Variants in FZD8 observed in about 807,000 individuals in gnomAD.
FZD8 encodes the protein frizzled-8.
A neutral mutation model predicts 46.0 loss-of-function variants in FZD8; 18 were observed. That is an observed-to-expected ratio of 0.39 (90% CI 0.27 to 0.58). The LOEUF (loss-of-function observed/expected upper bound fraction) is 0.58, where lower values mean the gene tolerates loss of function less well. Among genes scored for constraint, FZD8 ranks in the 20% least tolerant of loss-of-function variants. FZD8 has a pLI of 0.55. For synonymous variants in FZD8, 586 were observed against 467.9 expected (o/e 1.25, Z -3.26); for missense variants, 785 against 983.4 (o/e 0.80, Z 2.70).
At position 35,638,589 on chromosome 10, in the gene FZD8, G is replaced by A. The variant is rs370131475; in HGVS notation, c.*756C>T. 4 of 152,534 alleles carry A rather than the reference G, an allele frequency of 2.6e-5. No individual in the cohort carries two copies. The highest frequency in any genetic ancestry group is 9.6e-5 in the African/African-American group (4 of 41,466). 9.4% of individuals were successfully genotyped at this position (152,534 alleles called of 1,614,324 possible). ...ACTTTAAAGGTGACAGCTCAGAAGA[G>A]GCGGGGGAGAGGGCAATGGTTAAAT... On this transcript the variant is annotated 3_prime_UTR_variant, in exon 1 of 1. Transcript: ENST00000374694.
In FZD8 at chr10:35,640,784, C is replaced by G; in HGVS notation, c.646G>C (p.Gly216Arg). Residue 216 changes from glycine to arginine, a missense_variant, in exon 1 of 1, where the codon GGG becomes CGG. Gly to Arg is a moderately radical substitution (Grantham distance 125). This residue lies in a region of FZD8 where 354 missense variants were observed against 433.2 expected (regional missense o/e 0.82). Coordinates refer to ENST00000374694, the MANE Select transcript of FZD8 (RefSeq NM_031866.3). ...APPARGGGGG[G>R]KARPPGGGAA... is the part of the protein sequence containing the mutation. ...CCGCCGCCAGGGGGCCGCGCCTTCCCGCCACCGCCGCCGCCGCGAGCTGGG... is the reference window on the plus strand; with the variant it reads ...CCGCCGCCAGGGGGCCGCGCCTTCCGGCCACCGCCGCCGCCGCGAGCTGGG... The G allele has an allele frequency of 1.8e-6, 2 of 1,129,912 alleles. No individual in the cohort carries two copies. Among genetic ancestry groups the G allele is most frequent in the Non-Finnish European group, 2.2e-6 (2 of 922,790 alleles). 70.0% of individuals were successfully genotyped at this position (1,129,912 alleles called of 1,614,324 possible). A position where few individuals can be genotyped will look rare whatever the true frequency, so the allele number is the denominator to read the frequency against.
rs1564477161 is a variant in FZD8 at position 35,639,657 on chromosome 10, G to T, written c.1773C>A (p.Phe591Leu). 1.9e-6 allele frequency: 3 copies of T among 1,598,954 alleles called. No individual in the cohort carries two copies. Among genetic ancestry groups the T allele is most frequent in the Admixed American group, 1.7e-5 (1 of 60,010 alleles). Residue 591 changes from phenylalanine (F) to leucine (L), a missense_variant, in exon 1 of 1, where the codon TTC becomes TTA. By Grantham distance (22) the Phe-to-Leu change is conservative (BLOSUM62 0). Around this residue, in one of 5 missense-constraint regions of FZD8, gnomAD observed 185 missense variants for 180.8 expected, o/e 1.02. Coordinates refer to ENST00000374694, the MANE Select transcript of FZD8 (RefSeq NM_031866.3). ...AGGTGATGCCCACCACTAGGCACAT[G>T]AAGTACTTGAGCATGAAGACGGCGT... is the stretch of plus-strand genomic sequence containing the variant. ...PDYAVFMLKY[F>L]MCLVVGITSG... is the part of the protein sequence containing the mutation.
Position 35,639,585 on chromosome 10 carries a change from G to C in FZD8, c.1845C>G (p.Ser615=). 2 of 1,593,626 alleles carry C rather than the reference G, an allele frequency of 1.3e-6. No individual in the cohort carries two copies. The highest frequency in any genetic ancestry group is 1.7e-6 in the Non-Finnish European group (2 of 1,177,456). The part of the protein sequence containing the change: ...WSGKTLESWR[S]LCTRCCWASK... ...TGGCCCAGCAGCAGCGGGTGCACAG[G>C]GAGCGCCAGGACTCCAGCGTCTTGC... The change falls in exon 1 of 1, where the codon TCC becomes TCG. Residue 615 remains serine (S), a synonymous_variant. Coordinates refer to ENST00000374694, the MANE Select transcript of FZD8 (RefSeq NM_031866.3).
In FZD8 at chr10:35,641,021, G is replaced by T. The variant is rs1304379109; in HGVS notation, c.409C>A (p.Arg137=). 3 of 1,606,984 alleles carry T rather than the reference G, an allele frequency of 1.9e-6. No homozygotes were observed. Among genetic ancestry groups the T allele is most frequent in the Admixed American group, 1.7e-5 (1 of 59,444 alleles). ...FAWPDRMRCD[R]LPEQGNPDTL... ...TCAGGGTTGCCTTGCTCGGGCAGCC[G>T]GTCGCAGCGCATGCGGTCGGGCCAG... Residue 137 remains arginine (R), a synonymous_variant, in exon 1 of 1, where the codon CGG becomes AGG. Transcript: ENST00000374694. This position sits in a 1 kb window ranked among gnomAD's most constrained non-coding sequence, Gnocchi z 6.3.
Position 35,638,346 on chromosome 10 carries a change from G to A in FZD8, c.*999C>T, listed in dbSNP as rs1396708222. On this transcript the variant is annotated 3_prime_UTR_variant, in exon 1 of 1. Coordinates refer to ENST00000374694, the MANE Select transcript of FZD8 (RefSeq NM_031866.3). ...AAGTTCCATTTACATCCACTAAAGT[G>A]AGAGTTGTTATCCATGGATCAGAAA... The A allele has an allele frequency of 1.3e-5, 2 of 152,494 alleles. No individual in the cohort carries two copies. The highest frequency in any genetic ancestry group is 1.9e-4 in the East Asian group (1 of 5,340). The allele number at this position is 152,494 out of a possible 1,614,324, so 9.4% of individuals were successfully genotyped here.
chr10:35,641,575 A>T lies in FZD8; in HGVS notation c.-146T>A. The stretch of plus-strand genomic sequence containing the variant: ...TCGCCCGGGAGGGGGGTCTGCCGAT[A>T]ATCTAACCCCTTCTAGGGGCGCGTC... On this transcript the variant is annotated 5_prime_UTR_variant, in exon 1 of 1. Transcript: ENST00000374694. This position sits in a 1 kb window ranked among gnomAD's most constrained non-coding sequence, Gnocchi z 6.3. 1 of 1,089,378 alleles carries T rather than the reference A, an allele frequency of 9.2e-7. No individual in the cohort carries two copies. Among genetic ancestry groups the T allele is most frequent in the South Asian group, 1.7e-5 (1 of 60,322 alleles). The allele number at this position is 1,089,378 out of a possible 1,614,324, so 67.5% of individuals were successfully genotyped here.
Position 35,641,567 on chromosome 10 carries a change from CT to C in FZD8, c.-139del. 1.7e-6 allele frequency: 2 copies of C among 1,181,126 alleles called. No individual in the cohort carries two copies. Among genetic ancestry groups the C allele is most frequent in the Non-Finnish European group, 2.3e-6 (2 of 868,324 alleles). 73.2% of individuals were successfully genotyped at this position (1,181,126 alleles called of 1,614,324 possible). On this transcript the variant is annotated 5_prime_UTR_variant, in exon 1 of 1. Coordinates refer to ENST00000374694, the MANE Select transcript of FZD8 (RefSeq NM_031866.3). The surrounding 1 kb of genome is among the most constrained non-coding windows in gnomAD (Gnocchi z 6.3). ...CTTATGCTTCGCCCGGGAGGGGGGT[CT>C]GCCGATAATCTAACCCCTTCTAGGG...
chr10:35,641,657 C>G lies in FZD8; in HGVS notation c.-228G>C. 1 of 542,906 alleles carries G rather than the reference C, an allele frequency of 1.8e-6. No individual in the cohort carries two copies. Among genetic ancestry groups the G allele is most frequent in the Non-Finnish European group, 3.2e-6 (1 of 315,088 alleles). 33.6% of individuals were successfully genotyped at this position (542,906 alleles called of 1,614,324 possible). A position where few individuals can be genotyped will look rare whatever the true frequency, so the allele number is the denominator to read the frequency against. ...CCCTTCCGCACTCCTTTCCGCCGCT[C>G]CGGGGGTTTGAAGGCGGCTGCAGGC... On this transcript the variant is annotated 5_prime_UTR_variant, in exon 1 of 1. Transcript: ENST00000374694. This position sits in a 1 kb window ranked among gnomAD's most constrained non-coding sequence, Gnocchi z 6.3.
At position 35,639,513 on chromosome 10, in the gene FZD8, C is replaced by T. The variant is rs1835817569; in HGVS notation, c.1917G>A (p.Gly639=). ...VGGGAGATAA[G]GGGGPGGGGG... is the part of the protein sequence containing the mutation. Reference sequence around the variant, plus strand: ...CGCCGCCCCCCGGCCCGCCGCCACCCCCCGCGGCCGTGGCGCCCGCGCCCC... The same window carrying T: ...CGCCGCCCCCCGGCCCGCCGCCACCTCCCGCGGCCGTGGCGCCCGCGCCCC... Residue 639 remains glycine (G), a synonymous_variant, in exon 1 of 1, where the codon GGG becomes GGA. Coordinates refer to ENST00000374694, the MANE Select transcript of FZD8 (RefSeq NM_031866.3). 1.8e-6 allele frequency: 2 copies of T among 1,096,076 alleles called. No individual in the cohort carries two copies. The highest frequency in any genetic ancestry group is 1.1e-6 in the Non-Finnish European group (1 of 899,258). The allele number at this position is 1,096,076 out of a possible 1,614,324, so 67.9% of individuals were successfully genotyped here. A position where few individuals can be genotyped will look rare whatever the true frequency, so the allele number is the denominator to read the frequency against.
At position 35,639,535 on chromosome 10, in the gene FZD8, C is replaced by T. The variant is rs1835818448; in HGVS notation, c.1895G>A (p.Gly632Asp). The T allele has an allele frequency of 7.5e-7, 1 of 1,324,650 alleles. No homozygotes were observed. Among genetic ancestry groups the T allele is most frequent in the Non-Finnish European group, 9.7e-7 (1 of 1,030,788 alleles). 82.1% of individuals were successfully genotyped at this position (1,324,650 alleles called of 1,614,324 possible). A position where few individuals can be genotyped will look rare whatever the true frequency, so the allele number is the denominator to read the frequency against. The part of the protein sequence containing the change: ...WASKGAAVGG[G>D]AGATAAGGGG... ...ACCCCCCGCGGCCGTGGCGCCCGCG[C>T]CCCCGCCCACCGCGGCGCCCTTGCT... The change falls in exon 1 of 1, where the codon GGC becomes GAC. Residue 632 changes from glycine to aspartate, a missense_variant. Coordinates refer to ENST00000374694, the MANE Select transcript of FZD8 (RefSeq NM_031866.3).
chr10:35,640,142 C>T lies in FZD8; in HGVS notation c.1288G>A (p.Gly430Ser). 1 of 1,613,342 alleles carries T rather than the reference C, an allele frequency of 6.2e-7. No homozygotes were observed. Among genetic ancestry groups the T allele is most frequent in the Non-Finnish European group, 8.5e-7 (1 of 1,179,896 alleles). Reference sequence around the variant, plus strand: ...GAGTAGCCGGCGATGGCTTCGTTGCCCCACTTCATACCGGCCGCCAGGAAC... The same window carrying T: ...GAGTAGCCGGCGATGGCTTCGTTGCTCCACTTCATACCGGCCGCCAGGAAC... ...TWFLAAGMKW[G>S]NEAIAGYSQY... Residue 430 changes from glycine to serine, a missense_variant, in exon 1 of 1, where the codon GGC becomes AGC. Transcript: ENST00000374694.
In FZD8 at chr10:35,640,584, G is replaced by A. The variant is rs1344772587; in HGVS notation, c.846C>T (p.Gly282=). ...DERAFTVFWI[G]LWSVLCFVST... is the part of the protein sequence containing the mutation. ...ACACGAAGCAGAGCACCGACCACAG[G>A]CCGATCCAGAAGACGGTGAAGGCGC... The change falls in exon 1 of 1, where the codon GGC becomes GGT. Residue 282 remains glycine, a synonymous_variant. Coordinates refer to ENST00000374694, the MANE Select transcript of FZD8 (RefSeq NM_031866.3). 3 of 1,587,992 alleles carry A rather than the reference G, an allele frequency of 1.9e-6. No homozygotes were observed. The African/African-American group carries it at 4.1e-5, about 21-fold the overall frequency.
chr10:35,640,654 T>G lies in FZD8; in HGVS notation c.776A>C (p.Asn259Thr). 6.3e-7 allele frequency: 1 copy of G among 1,581,058 alleles called. No homozygotes were observed. The highest frequency in any genetic ancestry group is 1.1e-5 in the South Asian group (1 of 88,086). ...GGGGTTGTGGCAGGGCAGCGCGCAG[T>G]TAGCGATCTGGCCTGTCTTGACGCG... ...YNRVKTGQIA[N>T]CALPCHNPFF... The change falls in exon 1 of 1, where the codon AAC (asparagine) becomes ACC (threonine). Residue 259 changes from asparagine to threonine, a missense_variant. Coordinates refer to ENST00000374694, the MANE Select transcript of FZD8 (RefSeq NM_031866.3).
chr10:35,640,023 G>T lies in FZD8; in HGVS notation c.1407C>A (p.Gly469=). 6.2e-7 allele frequency: 1 copy of T among 1,611,192 alleles called. No homozygotes were observed. Residue 469 remains glycine (G), a synonymous_variant, in exon 1 of 1, where the codon GGC becomes GGA. Transcript: ENST00000374694. ...GGCTCTGGTTGCCCACGTAGCAGAT[G>T]CCCGCCACCGGGTCGCCGTCCACCG... ...LSSVDGDPVA[G]ICYVGNQSLD...
rs1835859514 is a variant in FZD8 at position 35,641,419 on chromosome 10, C to T, written c.11G>A (p.Gly4Asp). 6.2e-7 allele frequency: 1 copy of T among 1,608,282 alleles called. No individual in the cohort carries two copies. Among genetic ancestry groups the T allele is most frequent in the Non-Finnish European group, 8.5e-7 (1 of 1,178,746 alleles). The stretch of plus-strand genomic sequence containing the variant: ...CAGCGAGGTCACTTCCAACAGGTAA[C>T]CCCACTCCATGCTGTGCGCCTCGGC... MEW[G>D]YLLEVTSLLA... Residue 4 changes from glycine (G) to aspartate (D), a missense_variant, in exon 1 of 1, where the codon GGT becomes GAT. This residue lies in a region of FZD8 where 354 missense variants were observed against 433.2 expected (regional missense o/e 0.82). Transcript: ENST00000374694. This position sits in a 1 kb window ranked among gnomAD's most constrained non-coding sequence, Gnocchi z 6.3.
Position 35,638,977 on chromosome 10 carries a change from A to T in FZD8, c.*368T>A, listed in dbSNP as rs1183204085. The T allele has an allele frequency of 2.0e-5, 3 of 152,872 alleles. No homozygotes were observed. The highest frequency in any genetic ancestry group is 4.4e-5 in the Non-Finnish European group (3 of 68,234). The allele number at this position is 152,872 out of a possible 1,614,324, so 9.5% of individuals were successfully genotyped here. A position where few individuals can be genotyped will look rare whatever the true frequency, so the allele number is the denominator to read the frequency against. ...TCGAGGGAGAAAAAGAGGTTCTCCC[A>T]GGTGAAATCTGTGTATCTGACTGCA... is the stretch of plus-strand genomic sequence containing the variant. On this transcript the variant is annotated 3_prime_UTR_variant, in exon 1 of 1. Coordinates refer to ENST00000374694, the MANE Select transcript of FZD8 (RefSeq NM_031866.3).
At position 35,640,367 on chromosome 10, in the gene FZD8, C is replaced by T. The variant is rs1753139359; in HGVS notation, c.1063G>A (p.Gly355Ser). Residue 355 changes from glycine (G) to serine (S), a missense_variant, in exon 1 of 1, where the codon GGC becomes AGC. Gly to Ser is a moderately conservative substitution (Grantham distance 56). Transcript: ENST00000374694. Reference protein sequence around the residue: ...PGAGGAGGAGGAAAGAGAAGA... With the variant: ...PGAGGAGGAGSAAAGAGAAGA... ...GCCGCGCCCGCGCCCGCCGCCGCGC[C>T]GCCCGCGCCCCCAGCGCCCCCCGCG... 7.2e-6 allele frequency: 7 copies of T among 973,718 alleles called. No individual in the cohort carries two copies. Among genetic ancestry groups the T allele is most frequent in the Non-Finnish European group, 8.5e-6 (7 of 820,004 alleles). The allele number at this position is 973,718 out of a possible 1,614,324, so 60.3% of individuals were successfully genotyped here. A position where few individuals can be genotyped will look rare whatever the true frequency, so the allele number is the denominator to read the frequency against.
rs201736370 is a variant in FZD8 at position 35,639,959 on chromosome 10, T to G, written c.1471A>C (p.Ile491Leu). The change falls in exon 1 of 1, where the codon ATC becomes CTC. Residue 491 changes from isoleucine (I) to leucine (L), a missense_variant. Physicochemically the swap from Ile to Leu is conservative, Grantham distance 5. Around this residue, in one of 5 missense-constraint regions of FZD8, gnomAD observed 147 missense variants for 242.5 expected, o/e 0.61. Coordinates refer to ENST00000374694, the MANE Select transcript of FZD8 (RefSeq NM_031866.3). ...LRGFVLAPLV[I>L]YLFIGTMFLL... Reference sequence around the variant, plus strand: ...AACATGGTGCCGATGAAGAGGTAGATGACCAGCGGCGCCAGCACGAAGCCG... The same window carrying G: ...AACATGGTGCCGATGAAGAGGTAGAGGACCAGCGGCGCCAGCACGAAGCCG... 1 of 1,612,830 alleles carries G rather than the reference T, an allele frequency of 6.2e-7. No individual in the cohort carries two copies. The highest frequency in any genetic ancestry group is 8.5e-7 in the Non-Finnish European group (1 of 1,179,850).
In FZD8 at chr10:35,641,342, C is replaced by T. The variant is rs777637119; in HGVS notation, c.88G>A (p.Ala30Thr). ...ATCTCTTGGCATGCCAGCTCCTTGG[C>T]CGAGGCGGCCGCAGCGCCGCTAGAG... is the stretch of plus-strand genomic sequence containing the variant. ...QRSSGAAAAS[A>T]KELACQEITV... The change falls in exon 1 of 1, where the codon GCC (alanine) becomes ACC (threonine). Residue 30 changes from alanine (A) to threonine (T), a missense_variant. Physicochemically the swap from Ala to Thr is moderately conservative, Grantham distance 58. Coordinates refer to ENST00000374694, the MANE Select transcript of FZD8 (RefSeq NM_031866.3). This position sits in a 1 kb window ranked among gnomAD's most constrained non-coding sequence, Gnocchi z 6.3. 1 of 1,613,698 alleles carries T rather than the reference C, an allele frequency of 6.2e-7. No homozygotes were observed. Among genetic ancestry groups the T allele is most frequent in the Non-Finnish European group, 8.5e-7 (1 of 1,179,886 alleles).
Sources: gnomAD v4.1 joint callset for allele counts on GRCh38, gnomAD v4.1.1 for gene constraint, gnomAD v4.1.1 regional missense constraint, Gnocchi (gnomAD v3.1) non-coding constraint, MANE v1.5 for transcripts, NCBI Gene and HGNC (gene_info 2026-07-23, HGNC 2026-07-21) for gene names.